Variants in SUCNR1 observed in about 807,000 individuals in gnomAD.
SUCNR1 encodes G-protein coupled receptor 91.
A neutral mutation model predicts 2.4 loss-of-function variants in SUCNR1; 5 were observed. The observed-to-expected ratio is 2.07, with a 90% CI of 1.08 to 4.36. SUCNR1 has a LOEUF of 4.36. SUCNR1 is among the 30% of genes most tolerant of loss of function. The pLI is 0.00. For synonymous variants in SUCNR1, 162 were observed against 143.9 expected, an observed-to-expected ratio of 1.13 and a Z score of -0.90; for missense variants, 373 against 399.2, an observed-to-expected ratio of 0.93 and a Z score of 0.56.
chr3:151,881,336 C>A lies in SUCNR1; in HGVS notation c.793C>A (p.Gln265Lys). Reference protein sequence around the residue: ...RIASRLGSWKQYQCTQVVINS... With the variant: ...RIASRLGSWKKYQCTQVVINS... Reference sequence around the variant, plus strand: ...CGCTTCACGCCTGGGGAGTTGGAAGCAGTATCAGTGCACTCAGGTCGTCAT... The same window carrying A: ...CGCTTCACGCCTGGGGAGTTGGAAGAAGTATCAGTGCACTCAGGTCGTCAT... The change falls in exon 3 of 3, where the codon CAG becomes AAG. Residue 265 changes from glutamine (Q) to lysine (K), a missense_variant. By Grantham distance (53) the Gln-to-Lys change is moderately conservative. Coordinates refer to ENST00000362032, the MANE Select transcript of SUCNR1 (RefSeq NM_033050.6). 6.2e-7 allele frequency: 1 copy of A among 1,614,162 alleles called. No homozygotes were observed. Among genetic ancestry groups the A allele is most frequent in the Non-Finnish European group, 8.5e-7 (1 of 1,180,010 alleles).
chr3:151,880,409 T>G, intron 2 of SUCNR1, 150 bp from the exon 3 acceptor site: 1 of 578,984 alleles, frequency 1.7e-6, no homozygotes, highest in Non-Finnish European at 3.0e-6. Context: ...ATTAATGACA[T>G]ATATATATGT....
chr3:151,874,146 A>ATTTTT lies in SUCNR1; in HGVS notation c.-42+460_-42+464dup, dbSNP rs56678758. ...CATACATATATATATATATATATAT[A>ATTTTT]TTTTTTTTTTTTTTTTTTTTTTTTA... On this transcript the variant is annotated intron_variant, in intron 1 of 2. Coordinates refer to ENST00000362032, the MANE Select transcript of SUCNR1 (RefSeq NM_033050.6). 8.3e-4 allele frequency among the ~76,000 whole-genome samples: 50 copies of ATTTTT among 60,208 alleles called. 2 individuals are homozygous for ATTTTT. Among genetic ancestry groups the ATTTTT allele is most frequent in the Admixed American group, 2.3e-3 (11 of 4,750 alleles). 39.5% of individuals were successfully genotyped at this position (60,208 alleles called of 152,430 possible).
At position 151,880,815 on chromosome 3, in the gene SUCNR1, G is replaced by C; in HGVS notation, c.272G>C (p.Gly91Ala). 1.2e-6 allele frequency: 2 copies of C among 1,614,112 alleles called. No individual in the cohort carries two copies. The highest frequency in any genetic ancestry group is 1.7e-6 in the Non-Finnish European group (2 of 1,180,018). The stretch of plus-strand genomic sequence containing the variant: ...TATGCCAATGGAAACTGGATATATG[G>C]AGACGTGCTCTGCATAAGCAACCGA... Reference protein sequence around the residue: ...RSYANGNWIYGDVLCISNRYV... With the variant: ...RSYANGNWIYADVLCISNRYV... Residue 91 changes from glycine (G) to alanine (A), a missense_variant, in exon 3 of 3, where the codon GGA becomes GCA. Transcript: ENST00000362032.
chr3:151,879,639 G>A (rs973611774), intron 1 of SUCNR1, among the ~76,000 whole-genome samples: 9 of 152,002 alleles, frequency 5.9e-5, no homozygotes, highest in African/African-American at 2.2e-4. Flanking sequence ...TGAGTCTGAG[G>A]CATGGCATCT....
chr3:151,878,533 T>C (rs556251703), intron 1 of SUCNR1, among the ~76,000 whole-genome samples: 150 of 152,198 alleles, frequency 9.9e-4, no homozygotes, highest in South Asian at 2.1e-3. Flanking sequence ...TAAAAAAATA[T>C]GAAATTGAGA....
intron 1 of SUCNR1, 38 bp from the exon 2 acceptor site, chr3:151,879,814 G>C (rs899707897): frequency 1.1e-5 from 11 of 965,140 alleles, no homozygotes; most frequent in Non-Finnish European, 1.7e-5. Context: ...TTAAAATAGT[G>C]AGACTGAAGT....
Position 151,880,852 on chromosome 3 carries a change from T to C in SUCNR1, c.309T>C (p.His103=), listed in dbSNP as rs750673873. The C allele has an allele frequency of 4.3e-6, 7 of 1,614,048 alleles. No homozygotes were observed. The South Asian group carries it at 6.6e-5, about 15-fold the overall frequency. ...VLCISNRYVL[H]ANLYTSILFL... is the part of the protein sequence containing the mutation. ...GCATAAGCAACCGATATGTGCTTCATGCCAACCTCTATACCAGCATTCTCT... is the reference window on the plus strand; with the variant it reads ...GCATAAGCAACCGATATGTGCTTCACGCCAACCTCTATACCAGCATTCTCT... Residue 103 remains histidine, a synonymous_variant, in exon 3 of 3, where the codon CAT becomes CAC. Coordinates refer to ENST00000362032, the MANE Select transcript of SUCNR1 (RefSeq NM_033050.6).
Position 151,882,214 on chromosome 3 carries a change from G to C in SUCNR1, c.*666G>C, listed in dbSNP as rs1718123071. 6.6e-6 allele frequency: 1 copy of C among 151,938 alleles called. No individual in the cohort carries two copies. Among genetic ancestry groups the C allele is most frequent in the African/African-American group, 2.4e-5 (1 of 41,358 alleles). The allele number at this position is 151,938 out of a possible 1,614,324, so 9.4% of individuals were successfully genotyped here. ...AGAGAATATGTTTGAGCTTGTCAGA[G>C]AATTTAAGTATCAAAATACTAGAGA... On this transcript the variant is annotated 3_prime_UTR_variant, in exon 3 of 3. Coordinates refer to ENST00000362032, the MANE Select transcript of SUCNR1 (RefSeq NM_033050.6).
Position 151,880,795 on chromosome 3 carries a change from C to T in SUCNR1, c.252C>T (p.Ala84=), listed in dbSNP as rs910740194. The T allele has an allele frequency of 2.5e-6, 4 of 1,613,936 alleles. No individual in the cohort carries two copies. The highest frequency in any genetic ancestry group is 3.4e-6 in the Non-Finnish European group (4 of 1,180,014). Residue 84 remains alanine (A), a synonymous_variant, in exon 3 of 3, where the codon GCC becomes GCT. Transcript: ENST00000362032. ...CTLPMLIRSY[A]NGNWIYGDVL... ...TCCCCATGCTGATAAGGAGTTATGCCAATGGAAACTGGATATATGGAGACG... is the reference window on the plus strand; with the variant it reads ...TCCCCATGCTGATAAGGAGTTATGCTAATGGAAACTGGATATATGGAGACG...
chr3:151,880,705 C>G lies in SUCNR1; in HGVS notation c.162C>G (p.Asn54Lys), dbSNP rs147844411. 1.9e-6 allele frequency: 3 copies of G among 1,613,938 alleles called. No homozygotes were observed. The highest frequency in any genetic ancestry group is 1.3e-5 in the African/African-American group (1 of 74,884). Residue 54 changes from asparagine (N) to lysine (K), a missense_variant, in exon 3 of 3, where the codon AAC becomes AAG. Transcript: ENST00000362032. ...ACGGCTACATCTTCTCTCTGAAGAA[C>G]TGGAACAGCAGTAATATTTATCTCT... ...VVYGYIFSLK[N>K]WNSSNIYLFN...
Position 151,880,992 on chromosome 3 carries a change from T to C in SUCNR1, c.449T>C (p.Val150Ala). ...ILISLAIWVL[V>A]TLELLPILPL... ...ATCTCCTTGGCCATTTGGGTTTTAG[T>C]AACCTTAGAGTTACTACCCATACTT... The change falls in exon 3 of 3, where the codon GTA becomes GCA. Residue 150 changes from valine to alanine, a missense_variant. Val to Ala is a moderately conservative substitution (Grantham distance 64). Around this residue, in one of 3 missense-constraint regions of SUCNR1, gnomAD observed 32 missense variants for 58.3 expected, o/e 0.55. Coordinates refer to ENST00000362032, the MANE Select transcript of SUCNR1 (RefSeq NM_033050.6). 6.2e-7 allele frequency: 1 copy of C among 1,614,162 alleles called. No individual in the cohort carries two copies. Among genetic ancestry groups the C allele is most frequent in the Non-Finnish European group, 8.5e-7 (1 of 1,179,994 alleles).
At chr3:151,878,572 G>C (rs574797212) in intron 1 of SUCNR1, among the ~76,000 whole-genome samples, 1 of 152,160 alleles carries the variant, frequency 6.6e-6, no homozygotes. Context: ...CAATATGAGA[G>C]AGCGGTAGAA....
Position 151,880,876 on chromosome 3 carries a change from C to G in SUCNR1, c.333C>G (p.Leu111=). Residue 111 remains leucine (L), a synonymous_variant, in exon 3 of 3, where the codon CTC becomes CTG. Coordinates refer to ENST00000362032, the MANE Select transcript of SUCNR1 (RefSeq NM_033050.6). ...ATGCCAACCTCTATACCAGCATTCT[C>G]TTTCTCACTTTTATCAGCATAGATC... is the stretch of plus-strand genomic sequence containing the variant. ...VLHANLYTSI[L]FLTFISIDRY... 6.2e-7 allele frequency: 1 copy of G among 1,614,080 alleles called. No individual in the cohort carries two copies.
Position 151,881,151 on chromosome 3 carries a change from T to C in SUCNR1, c.608T>C (p.Met203Thr). 1 of 1,614,186 alleles carries C rather than the reference T, an allele frequency of 6.2e-7. No individual in the cohort carries two copies. Among genetic ancestry groups the C allele is most frequent in the Non-Finnish European group, 8.5e-7 (1 of 1,180,038 alleles). The stretch of plus-strand genomic sequence containing the variant: ...GGGTTCCTTATTCCTCTTTTTGTGA[T>C]GTGTTTCTTTTATTACAAGATTGCT... Reference protein sequence around the residue: ...LLGFLIPLFVMCFFYYKIALF... With the variant: ...LLGFLIPLFVTCFFYYKIALF... The change falls in exon 3 of 3, where the codon ATG (methionine) becomes ACG (threonine). Residue 203 changes from methionine to threonine, a missense_variant. Physicochemically the swap from Met to Thr is moderately conservative, Grantham distance 81. Around this residue, in one of 3 missense-constraint regions of SUCNR1, gnomAD observed 157 missense variants for 178.7 expected, o/e 0.88. Transcript: ENST00000362032.
intron 1 of SUCNR1, among the ~76,000 whole-genome samples, chr3:151,875,605 G>A (rs79020368): frequency 9.9e-5 from 15 of 151,478 alleles, no homozygotes; most frequent in Admixed American, 7.2e-4. Context: ...AATGTAAAAG[G>A]GTACCCAAAT....
Position 151,874,501 on chromosome 3 carries a change from T to C in SUCNR1, c.-42+795T>C, listed in dbSNP as rs374517005. Among the ~76,000 whole-genome samples, 12 of 152,078 alleles carry C rather than the reference T, an allele frequency of 7.9e-5. No homozygotes were observed. In the East Asian group the frequency reaches 1.9e-3, roughly 24 times the overall value. ...GCATAATATTTTTATGTTTAGAAAA[T>C]AATGTATTTGGGGGAATTTTCAGGC... On this transcript the variant is annotated intron_variant, in intron 1 of 2. Coordinates refer to ENST00000362032, the MANE Select transcript of SUCNR1 (RefSeq NM_033050.6).
At position 151,882,340 on chromosome 3, in the gene SUCNR1, T is replaced by A. The variant is rs1396324343; in HGVS notation, c.*792T>A. 1 of 152,202 alleles carries A rather than the reference T, an allele frequency of 6.6e-6. No individual in the cohort carries two copies. Among genetic ancestry groups the A allele is most frequent in the Non-Finnish European group, 1.5e-5 (1 of 68,002 alleles). 9.4% of individuals were successfully genotyped at this position (152,202 alleles called of 1,614,324 possible). A position where few individuals can be genotyped will look rare whatever the true frequency, so the allele number is the denominator to read the frequency against. On this transcript the variant is annotated 3_prime_UTR_variant, in exon 3 of 3. Coordinates refer to ENST00000362032, the MANE Select transcript of SUCNR1 (RefSeq NM_033050.6). ...AGAACAAAAAGTGAATACATCGTTT[T>A]AAATGATGATTTTGCCATCTGGTAT...
intron 1 of SUCNR1, among the ~76,000 whole-genome samples, chr3:151,875,605 G>T (rs79020368): frequency 6.6e-6 from 1 of 151,478 alleles, no homozygotes; most frequent in Non-Finnish European, 1.5e-5. Context: ...AATGTAAAAG[G>T]GTACCCAAAT....
intron 1 of SUCNR1, among the ~76,000 whole-genome samples, chr3:151,876,309 T>C (rs1242638227): frequency 6.6e-6 from 1 of 151,908 alleles, no homozygotes; most frequent in Non-Finnish European, 1.5e-5. Context: ...TTCCAGAAAG[T>C]GTGGACTTAA....
Sources: gnomAD v4.1 joint callset for allele counts (sites outside exome capture counted in the v4.1 genomes callset) on GRCh38, gnomAD v4.1.1 for gene constraint, gnomAD v4.1.1 regional missense constraint, MANE v1.5 for transcripts, NCBI Gene and HGNC (gene_info 2026-07-23, HGNC 2026-07-21) for gene names.